Variants in POLR3B observed in about 807,000 individuals in gnomAD.
POLR3B encodes DNA-directed RNA polymerase III subunit RPC2.
In POLR3B, 96 loss-of-function variants were observed where a neutral mutation model predicts 147.4. That is an observed-to-expected ratio of 0.65 (90% CI 0.55 to 0.77). The LOEUF is 0.77. Among genes scored for constraint, POLR3B ranks in the 30% least tolerant of loss-of-function variants. POLR3B has a pLI of 0.00. For synonymous variants in POLR3B, 461 were observed against 485.9 expected (o/e 0.95, Z 0.67); for missense variants, 1,036 against 1,413.5 (o/e 0.73, Z 4.28).
chr12:106,490,708 A>T (rs1459536848), intron 23 of POLR3B, among the ~76,000 whole-genome samples: 2 of 152,228 alleles, frequency 1.3e-5, no homozygotes, highest in Non-Finnish European at 2.9e-5. Flanking sequence ...GGGGAGGGGA[A>T]GAACGGAATA....
intron 14 of POLR3B, among the ~76,000 whole-genome samples, chr12:106,431,619 C>T (rs1593037732): frequency 6.6e-6 from 1 of 152,086 alleles, no homozygotes; most frequent in Non-Finnish European, 1.5e-5. Flanking sequence ...AAAGATTTTC[C>T]ACAATCTTTC....
intron 11 of POLR3B, among the ~76,000 whole-genome samples, chr12:106,409,117 T>G (rs1315026852): frequency 6.6e-6 from 1 of 152,206 alleles, no homozygotes; most frequent in Non-Finnish European, 1.5e-5. Flanking sequence ...AGTGAAAGTT[T>G]GCTTTATTTT....
intron 7 of POLR3B, 86 bp from the exon 8 acceptor site, chr12:106,378,181 T>G: frequency 1.2e-6 from 1 of 835,622 alleles, no homozygotes; most frequent in Non-Finnish European, 2.1e-6. Flanking sequence ...GAAAAGGTAA[T>G]CTCTGATTCA....
In POLR3B at chr12:106,486,055, C is replaced by T. The variant is rs1034468750; in HGVS notation, c.2714-10000C>T. 3.9e-5 allele frequency among the ~76,000 whole-genome samples: 6 copies of T among 151,922 alleles called. No homozygotes were observed. In the South Asian group the frequency reaches 8.3e-4, roughly 21 times the overall value. On this transcript the variant is annotated intron_variant, in intron 23 of 27. Transcript: ENST00000228347. ...CTGTAATCCCAGCACTTTGGGAGGC[C>T]GAGGCGGGCAGATCACGAGGTCAAG...
At chr12:106,389,015 A>G (rs147582054) in intron 9 of POLR3B, among the ~76,000 whole-genome samples, 1 of 152,262 alleles carries the variant, frequency 6.6e-6, no homozygotes, top group East Asian at 1.9e-4. Context: ...TCATAAGTTT[A>G]TTATGTAGGA....
At chr12:106,392,199 G>T (rs917126317) in intron 9 of POLR3B, among the ~76,000 whole-genome samples, 1 of 151,838 alleles carries the variant, frequency 6.6e-6, no homozygotes, top group East Asian at 1.9e-4. Context: ...TTTTGCTCTC[G>T]TTGCCCAGGC....
At chr12:106,367,586 T>G (rs1267570552) in intron 4 of POLR3B, among the ~76,000 whole-genome samples, 1 of 152,220 alleles carries the variant, frequency 6.6e-6, no homozygotes. Context: ...TAATTTGAGT[T>G]TGTATGACGT....
At chr12:106,462,644 A>G (rs1448132581) in intron 22 of POLR3B, among the ~76,000 whole-genome samples, 1 of 152,198 alleles carries the variant, frequency 6.6e-6, no homozygotes, top group African/African-American at 2.4e-5. Flanking sequence ...CCTGTGGGAA[A>G]GGTGTCCTTA....
intron 12 of POLR3B, among the ~76,000 whole-genome samples, chr12:106,416,594 A>C (rs2037306980): frequency 6.6e-6 from 1 of 152,180 alleles, no homozygotes; most frequent in Non-Finnish European, 1.5e-5. Context: ...GTAGGTTTCA[A>C]AGTTTTTAAA....
chr12:106,358,538 G>A (rs2036422237), intron 1 of POLR3B, among the ~76,000 whole-genome samples: 1 of 152,196 alleles, frequency 6.6e-6, no homozygotes, highest in African/African-American at 2.4e-5. Flanking sequence ...CCCACAGCGA[G>A]CTGCCCAGTG....
intron 12 of POLR3B, among the ~76,000 whole-genome samples, chr12:106,415,859 T>C (rs2037295653): frequency 1.3e-5 from 2 of 152,192 alleles, no homozygotes; most frequent in African/African-American, 4.8e-5. Flanking sequence ...CTGACCCTCT[T>C]TTCCCTCTGA....
chr12:106,389,173 A>G (rs2036881537), intron 9 of POLR3B, among the ~76,000 whole-genome samples: 1 of 152,226 alleles, frequency 6.6e-6, no homozygotes. Flanking sequence ...TATGTCATTT[A>G]TTTGTAGCTG....
intron 27 of POLR3B, among the ~76,000 whole-genome samples, chr12:106,505,159 A>G (rs754773178): frequency 1.0e-3 from 152 of 152,290 alleles, no homozygotes; most frequent in Admixed American, 1.8e-3. Context: ...CAGTTGCACC[A>G]CCTTTCCTAT....
chr12:106,418,790 T>C (rs2037338104), intron 12 of POLR3B, among the ~76,000 whole-genome samples: 1 of 152,208 alleles, frequency 6.6e-6, no homozygotes, highest in South Asian at 2.1e-4. Context: ...GTGGATGGCC[T>C]TGTGGTTTCT....
chr12:106,382,783 C>G (rs1593009042), intron 9 of POLR3B, among the ~76,000 whole-genome samples: 1 of 152,094 alleles, frequency 6.6e-6, no homozygotes, highest in African/African-American at 2.4e-5. Context: ...TTCTTAAGGG[C>G]CTTACGATTT....
At chr12:106,405,248 G>A (rs2037134771) in intron 10 of POLR3B, among the ~76,000 whole-genome samples, 1 of 152,040 alleles carries the variant, frequency 6.6e-6, no homozygotes, top group African/African-American at 2.4e-5. Context: ...TTTAGAATTA[G>A]TCAGTTTTTG....
intron 10 of POLR3B, among the ~76,000 whole-genome samples, chr12:106,395,894 C>T (rs922767840): frequency 6.6e-6 from 1 of 152,014 alleles, no homozygotes; most frequent in South Asian, 2.1e-4. Context: ...CGCTTGAACC[C>T]AGGAGGCGGA....
chr12:106,370,391 C>T (rs2036587681), intron 6 of POLR3B, among the ~76,000 whole-genome samples: 1 of 152,122 alleles, frequency 6.6e-6, no homozygotes, highest in African/African-American at 2.4e-5. Context: ...TGGCTACCTT[C>T]ATTCACAGCT....
chr12:106,384,121 A>G (rs950405697), intron 9 of POLR3B, among the ~76,000 whole-genome samples: 9 of 152,214 alleles, frequency 5.9e-5, no homozygotes, highest in African/African-American at 1.9e-4. Flanking sequence ...AATGACACCA[A>G]TAGATTTGCC....
Sources: gnomAD v4.1 joint callset for allele counts (sites outside exome capture counted in the v4.1 genomes callset) on GRCh38, gnomAD v4.1.1 for gene constraint, MANE v1.5 for transcripts, NCBI Gene and HGNC (gene_info 2026-07-23, HGNC 2026-07-21) for gene names.